Variants in CTNNA3 observed in about 807,000 individuals in gnomAD.
CTNNA3 encodes catenin alpha-3.
Under a neutral mutation model 95.7 loss-of-function variants are expected in CTNNA3, and 76 were observed. The ratio of observed to expected loss-of-function variants is 0.79; its 90% confidence interval spans 0.66 to 0.96. CTNNA3 has a LOEUF of 0.96. Among genes scored for constraint, CTNNA3 ranks in the 40% least tolerant of loss-of-function variants. CTNNA3 has a pLI of 0.00. For missense variants in CTNNA3, 1,191 were observed against 1,089.8 expected (o/e 1.09, Z -1.31); for synonymous variants, 431 against 374.4 (o/e 1.15, Z -1.74).
chr10:66,860,008 G>T (rs1329422530), intron 7 of CTNNA3, among the ~76,000 whole-genome samples: 4 of 111,204 alleles, frequency 3.6e-5, no homozygotes, highest in African/African-American at 1.4e-4. Context: ...ACACTCTGGG[G>T]ACTGTTGTGG....
chr10:67,166,828 C>T (rs1014871888), intron 7 of CTNNA3, among the ~76,000 whole-genome samples: 9 of 152,170 alleles, frequency 5.9e-5, no homozygotes, highest in African/African-American at 1.9e-4. Context: ...AACTTCTGGC[C>T]GGGCGCGGTG....
At chr10:66,962,603 G>T (rs1184654171) in intron 7 of CTNNA3, among the ~76,000 whole-genome samples, 2 of 151,602 alleles carry the variant, frequency 1.3e-5, no homozygotes, top group Non-Finnish European at 2.9e-5. Context: ...AGTAGAGATG[G>T]GATTTCACCA....
chr10:67,197,483 A>C (rs1337259265), intron 6 of CTNNA3, among the ~76,000 whole-genome samples: 1 of 152,082 alleles, frequency 6.6e-6, no homozygotes, highest in Non-Finnish European at 1.5e-5. Context: ...GTGCAGTCTT[A>C]CCTTGCAACT....
At chr10:66,225,390 A>AATATATATATAT (rs3053735) in intron 13 of CTNNA3, among the ~76,000 whole-genome samples, 2,030 of 125,704 alleles carry the variant, frequency 0.016, 46 homozygotes, top group African/African-American at 0.039. Context: ...ATTTTATTCA[A>AATATATATATAT]ATATATATAT....
chr10:66,848,202 G>C (rs186282055), intron 7 of CTNNA3, among the ~76,000 whole-genome samples: 5 of 152,126 alleles, frequency 3.3e-5, no homozygotes, highest in Non-Finnish European at 5.9e-5. Flanking sequence ...TTCTTCTTTG[G>C]GGTAATAACA....
intron 7 of CTNNA3, among the ~76,000 whole-genome samples, chr10:66,869,769 A>C (rs1844326886): frequency 6.6e-6 from 1 of 152,076 alleles, no homozygotes; most frequent in Non-Finnish European, 1.5e-5. Flanking sequence ...TATCATCTTG[A>C]ATAAAGTCAA....
chr10:67,302,057 AAGAAAGAAAGAAAG>A (rs1840336283), intron 5 of CTNNA3, among the ~76,000 whole-genome samples: 1 of 90,034 alleles, frequency 1.1e-5, no homozygotes, highest in Non-Finnish European at 1.9e-5. Context: ...GAAAGAAAGA[AAGAAAGAAAGAAAG>A]AAAGAAAGAA....
chr10:66,700,133 A>T (rs1388146695), intron 9 of CTNNA3, among the ~76,000 whole-genome samples: 2 of 152,128 alleles, frequency 1.3e-5, no homozygotes, highest in Admixed American at 6.5e-5. Flanking sequence ...GTTATACAAA[A>T]GCTTTTTATA....
intron 1 of CTNNA3, among the ~76,000 whole-genome samples, chr10:67,744,984 G>A (rs1310343030): frequency 6.6e-6 from 1 of 151,824 alleles, no homozygotes; most frequent in Non-Finnish European, 1.5e-5. Flanking sequence ...AGTTAGAATG[G>A]TGATCATTAA....
chr10:66,488,565 G>C (rs1839816296), intron 11 of CTNNA3, among the ~76,000 whole-genome samples: 1 of 152,164 alleles, frequency 6.6e-6, no homozygotes, highest in African/African-American at 2.4e-5. Flanking sequence ...TTCCTGATTA[G>C]AATGCCAGTG....
At chr10:66,271,337 C>A (rs533200910) in intron 13 of CTNNA3, among the ~76,000 whole-genome samples, 1 of 152,220 alleles carries the variant, frequency 6.6e-6, no homozygotes, top group East Asian at 1.9e-4. Context: ...ATTCAACTCT[C>A]CAAAAGTTGT....
intron 4 of CTNNA3, among the ~76,000 whole-genome samples, chr10:67,523,884 C>A (rs1450023849): frequency 6.6e-6 from 1 of 152,092 alleles, no homozygotes; most frequent in Non-Finnish European, 1.5e-5. Context: ...CAAAATAAAA[C>A]CTTATCTAAG....
intron 17 of CTNNA3, among the ~76,000 whole-genome samples, chr10:65,941,958 G>A (rs2077437088): frequency 6.6e-6 from 1 of 152,120 alleles, no homozygotes; most frequent in Non-Finnish European, 1.5e-5. Context: ...AACAGAGAAT[G>A]TTCACCTTAT....
intron 9 of CTNNA3, among the ~76,000 whole-genome samples, chr10:66,632,696 G>T (rs1196374236): frequency 6.6e-6 from 1 of 151,772 alleles, no homozygotes; most frequent in African/African-American, 2.4e-5. Context: ...CAGGAGAAAA[G>T]TGCAATTATG....
chr10:66,000,112 G>C lies in CTNNA3; in HGVS notation c.2160-11315C>G, dbSNP rs539413887. On this transcript the variant is annotated intron_variant, in intron 15 of 17. Coordinates refer to ENST00000433211, the MANE Select transcript of CTNNA3 (RefSeq NM_013266.4). ...AATAAAGATAATTTTAAAACATTAT[G>C]GGTTAGAAAGTATAATGAAAAAGGC... Among the ~76,000 whole-genome samples, 173 of 152,170 alleles carry C rather than the reference G, an allele frequency of 1.1e-3. 1 individual carries two copies. Among genetic ancestry groups the C allele is most frequent in the African/African-American group, 4.0e-3 (166 of 41,512 alleles).
At chr10:66,430,780 G>C (rs2093287596) in intron 11 of CTNNA3, among the ~76,000 whole-genome samples, 1 of 152,276 alleles carries the variant, frequency 6.6e-6, no homozygotes, top group African/African-American at 2.4e-5. Context: ...TTAAATGTCA[G>C]ACCTAAAACC....
chr10:67,197,972 G>A (rs1863454747), intron 6 of CTNNA3, among the ~76,000 whole-genome samples: 1 of 152,104 alleles, frequency 6.6e-6, no homozygotes, highest in Non-Finnish European at 1.5e-5. Flanking sequence ...ACACTCTGGA[G>A]TACTGCCCAA....
intron 12 of CTNNA3, among the ~76,000 whole-genome samples, chr10:66,360,812 CCTTCCTTTCTTTCTTTCTTTCTTT>C (rs1355238172): frequency 2.9e-4 from 15 of 52,348 alleles, no homozygotes; most frequent in South Asian, 9.2e-4. Flanking sequence ...TTCCTTCCTT[CCTTCCTTTCTTTCTTTCTTTCTTT>C]CTTTCTTTCT....
chr10:66,094,595 A>G (rs1370877497), intron 14 of CTNNA3, among the ~76,000 whole-genome samples: 1 of 152,120 alleles, frequency 6.6e-6, no homozygotes, highest in Admixed American at 6.6e-5. Context: ...GGCTTTCTCC[A>G]AGTTGTAAAA....
Sources: gnomAD v4.1 joint callset for allele counts (sites outside exome capture counted in the v4.1 genomes callset) on GRCh38, gnomAD v4.1.1 for gene constraint, MANE v1.5 for transcripts, NCBI Gene and HGNC (gene_info 2026-07-23, HGNC 2026-07-21) for gene names.